RANBP2: variants seen among roughly 807,000 people sequenced by gnomAD.
RANBP2 encodes the protein E3 SUMO-protein ligase RanBP2.
Under a neutral mutation model 303.6 loss-of-function variants are expected in RANBP2, and 57 were observed. The observed-to-expected ratio is 0.19, with a 90% confidence interval of 0.15 to 0.23. RANBP2 has a LOEUF of 0.23. Among genes scored for constraint, RANBP2 ranks in the 10% least tolerant of loss-of-function variants. The pLI is 1.00. For synonymous variants in RANBP2, 1,167 were observed against 1,301.5 expected, an observed-to-expected ratio of 0.90 and a Z score of 2.23; for missense variants, 3,138 against 3,780.8, an observed-to-expected ratio of 0.83 and a Z score of 4.46.
At chr2:109,231,544 C>G in the RANBP2 span, among the ~76,000 whole-genome samples, 1 of 152,202 alleles carries the variant, frequency 6.6e-6, no homozygotes, top group African/African-American at 2.4e-5. Context: ...GATTTTTCCA[C>G]TTGGGCTTTT....
the RANBP2 span, among the ~76,000 whole-genome samples, chr2:109,366,252 G>A: frequency 3.3e-5 from 5 of 152,042 alleles, no homozygotes; most frequent in East Asian, 9.6e-4. Flanking sequence ...ATGCAAATGG[G>A]TTTGTATCTT....
the RANBP2 span, among the ~76,000 whole-genome samples, chr2:109,324,855 A>G: frequency 6.6e-6 from 1 of 152,180 alleles, no homozygotes; most frequent in African/African-American, 2.4e-5. Flanking sequence ...GGTGTGTGCA[A>G]GCACGCACGC....
the RANBP2 span, among the ~76,000 whole-genome samples, chr2:109,117,257 C>T: frequency 6.6e-6 from 1 of 152,232 alleles, no homozygotes; most frequent in Non-Finnish European, 1.5e-5. Flanking sequence ...CAGAGGCAGG[C>T]AGGCCTCCTT....
At chr2:108,899,811 C>T in the RANBP2 span, among the ~76,000 whole-genome samples, 1 of 152,058 alleles carries the variant, frequency 6.6e-6, no homozygotes, top group Non-Finnish European at 1.5e-5. Flanking sequence ...CATGGTGAAA[C>T]CCCGTCTCTA....
At chr2:109,279,814 G>A in the RANBP2 span, among the ~76,000 whole-genome samples, 22 of 152,190 alleles carry the variant, frequency 1.4e-4, no homozygotes, top group Admixed American at 2.0e-4. Flanking sequence ...GGTCCGGGAG[G>A]ATCTATCAGG....
the RANBP2 span, among the ~76,000 whole-genome samples, chr2:109,035,821 A>C: frequency 6.6e-6 from 1 of 152,146 alleles, no homozygotes; most frequent in African/African-American, 2.4e-5. Context: ...GGTAAACACA[A>C]AAAAAATAAT....
the RANBP2 span, chr2:109,398,547 A>G: frequency 6.0e-6 from 9 of 1,488,924 alleles, no homozygotes; most frequent in Non-Finnish European, 9.0e-7. Flanking sequence ...GTGGCATGTG[A>G]CCATGATTTA....
At chr2:109,585,818 C>G in the RANBP2 span, 1 of 1,613,390 alleles carries the variant, frequency 6.2e-7, no homozygotes, top group Non-Finnish European at 8.5e-7. Flanking sequence ...ACATAGTCAA[C>G]GAACGAATGT....
the RANBP2 span, among the ~76,000 whole-genome samples, chr2:109,570,447 A>G: frequency 1.3e-5 from 2 of 152,206 alleles, no homozygotes; most frequent in Non-Finnish European, 2.9e-5. Context: ...AATTTTTTTA[A>G]TGACAATACA....
At chr2:109,074,632 G>A in the RANBP2 span, among the ~76,000 whole-genome samples, 2 of 150,032 alleles carry the variant, frequency 1.3e-5, no homozygotes, top group African/African-American at 4.9e-5. Flanking sequence ...CCTGGGAAGT[G>A]GAGGCAGCAG....
At chr2:109,635,336 C>T in the RANBP2 span, among the ~76,000 whole-genome samples, 1 of 152,286 alleles carries the variant, frequency 6.6e-6, no homozygotes, top group African/African-American at 2.4e-5. Flanking sequence ...GTGCATGCCA[C>T]AATGCCCGAC....
At chr2:109,760,717 C>T in the RANBP2 span, among the ~76,000 whole-genome samples, 1 of 145,478 alleles carries the variant, frequency 6.9e-6, no homozygotes, top group Non-Finnish European at 1.5e-5. Flanking sequence ...ACACCTCCCA[C>T]CATGGACAGC....
At chr2:109,129,776 G>A in the RANBP2 span, 3 of 1,539,068 alleles carry the variant, frequency 1.9e-6, no homozygotes, top group East Asian at 2.5e-5. Context: ...ACTTTCTGCC[G>A]CCGCTGCCTG....
the RANBP2 span, among the ~76,000 whole-genome samples, chr2:109,455,393 G>T: frequency 6.6e-6 from 1 of 152,196 alleles, no homozygotes; most frequent in African/African-American, 2.4e-5. Context: ...AACCCAATTT[G>T]GTCTGAAAGG....
At chr2:109,325,530 G>A in the RANBP2 span, among the ~76,000 whole-genome samples, 3 of 151,654 alleles carry the variant, frequency 2.0e-5, no homozygotes, top group African/African-American at 2.4e-5. Flanking sequence ...TTGGTTCCCC[G>A]CTTCCCCCAG....
the RANBP2 span, among the ~76,000 whole-genome samples, chr2:109,571,966 A>G: frequency 6.6e-6 from 1 of 152,220 alleles, no homozygotes; most frequent in Admixed American, 6.5e-5. Flanking sequence ...CAATATGTAA[A>G]TATCATCAAT....
chr2:109,539,669 C>T, the RANBP2 span, among the ~76,000 whole-genome samples: 2 of 152,278 alleles, frequency 1.3e-5, no homozygotes, highest in South Asian at 4.2e-4. Flanking sequence ...GTCTTGAACA[C>T]CCGACCTCAG....
the RANBP2 span, among the ~76,000 whole-genome samples, chr2:109,174,702 G>A: frequency 6.6e-6 from 1 of 152,368 alleles, no homozygotes; most frequent in East Asian, 1.9e-4. Flanking sequence ...TAGGGCACAT[G>A]CACTGAGGTG....
the RANBP2 span, among the ~76,000 whole-genome samples, chr2:109,232,348 A>G: frequency 1.3e-5 from 2 of 152,224 alleles, no homozygotes; most frequent in Admixed American, 6.5e-5. Flanking sequence ...GGTAGAGAGT[A>G]GTTGCTAAAA....
Sources: gnomAD v4.1 joint callset for allele counts (sites outside exome capture counted in the v4.1 genomes callset) on GRCh38, gnomAD v4.1.1 for gene constraint, MANE v1.5 for transcripts, NCBI Gene and HGNC (gene_info 2026-07-23, HGNC 2026-07-21) for gene names.